The following MALRD1 variants were observed in gnomAD, a reference collection of about 807,000 sequenced individuals.
The protein encoded by MALRD1 is MAM and LDL-receptor class A domain-containing protein 1.
MALRD1 carries 247 observed loss-of-function variants against 242.1 expected under a neutral mutation model. The observed-to-expected ratio is 1.02, with a 90% CI of 0.92 to 1.13. The LOEUF is 1.13. Ranked by LOEUF, MALRD1 falls within the 50% of genes most tolerant of loss-of-function variation. MALRD1 has a pLI of 0.00. For synonymous variants in MALRD1, 995 were observed against 866.6 expected, an observed-to-expected ratio of 1.15 and a Z score of -2.60; for missense variants, 2,989 against 2,533.1, an observed-to-expected ratio of 1.18 and a Z score of -3.86.
At chr10:19,231,180 C>T (rs924675569) in intron 18 of MALRD1, among the ~76,000 whole-genome samples, 6 of 152,160 alleles carry the variant, frequency 3.9e-5, no homozygotes, top group Non-Finnish European at 7.3e-5. Context: ...ACTCCATACT[C>T]CTGCCTCAAT....
intron 28 of MALRD1, 97 bp from the exon 29 acceptor site, chr10:19,450,210 C>T (rs1835242342): frequency 9.5e-7 from 1 of 1,048,402 alleles, no homozygotes; most frequent in Non-Finnish European, 1.3e-6. Flanking sequence ...TTTTATTGGT[C>T]AAATGCTTCT....
At position 19,531,315 on chromosome 10, in the gene MALRD1, C is replaced by T. The variant is rs185708581; in HGVS notation, c.5442C>T (p.Phe1814=). Residue 1814 remains phenylalanine (F), a synonymous_variant, in exon 32 of 40, where the codon TTC becomes TTT. Coordinates refer to ENST00000454679, the MANE Select transcript of MALRD1 (RefSeq NM_001142308.3). ...SLGMCTVRFW[F]YMIDPRSMGI... ...GAATGTGTACTGTTCGGTTCTGGTT[C>T]TACATGATTGATCCCAGGAGTATGG... The T allele has an allele frequency of 2.8e-4, 440 of 1,549,052 alleles. 4 individuals are homozygous for T. Among genetic ancestry groups the T allele is most frequent in the Non-Finnish European group, 5.1e-5 (58 of 1,145,862 alleles).
intron 26 of MALRD1, among the ~76,000 whole-genome samples, chr10:19,354,515 A>G (rs932215644): frequency 1.3e-5 from 2 of 151,958 alleles, no homozygotes; most frequent in African/African-American, 2.4e-5. Flanking sequence ...ACCTCTCTTT[A>G]TCTCCCCATC....
At chr10:19,105,214 T>C (rs1002434476) in intron 5 of MALRD1, among the ~76,000 whole-genome samples, 1 of 152,060 alleles carries the variant, frequency 6.6e-6, no homozygotes, top group Non-Finnish European at 1.5e-5. Flanking sequence ...TACACTGTAC[T>C]TCTATAAGAT....
At chr10:19,733,201 G>T (rs1189916221) in intron 39 of MALRD1, among the ~76,000 whole-genome samples, 1 of 152,116 alleles carries the variant, frequency 6.6e-6, no homozygotes, top group African/African-American at 2.4e-5. Flanking sequence ...GGCAATTCAT[G>T]CCAATATTCA....
chr10:19,107,228 TA>T (rs1410145084), intron 5 of MALRD1, among the ~76,000 whole-genome samples: 3 of 152,024 alleles, frequency 2.0e-5, no homozygotes, highest in Non-Finnish European at 4.4e-5. Context: ...AGTAGGGAGT[TA>T]AAATCCCTTG....
intron 18 of MALRD1, among the ~76,000 whole-genome samples, chr10:19,253,918 G>C (rs1272458403): frequency 6.6e-6 from 1 of 151,878 alleles, no homozygotes; most frequent in African/African-American, 2.4e-5. Flanking sequence ...GATATATGGG[G>C]GTGGTTTCCC....
intron 29 of MALRD1, among the ~76,000 whole-genome samples, chr10:19,457,203 T>C (rs1429298953): frequency 2.0e-5 from 3 of 152,108 alleles, no homozygotes; most frequent in Non-Finnish European, 4.4e-5. Context: ...GAAACAGCCA[T>C]ATGTAGCCAT....
chr10:19,309,376 T>A (rs1250006623), intron 21 of MALRD1, among the ~76,000 whole-genome samples: 1 of 151,524 alleles, frequency 6.6e-6, no homozygotes, highest in East Asian at 1.9e-4. Flanking sequence ...GAGGGAATTT[T>A]TACCAAAATA....
rs531907488 is a variant in MALRD1, at chr10:19,709,040, T to C, written c.6314+16486T>C. 2.5e-5 allele frequency among the ~76,000 whole-genome samples: 3 copies of C among 118,180 alleles called. 1 individual carries two copies. The highest frequency in any genetic ancestry group is 3.9e-5 in the Non-Finnish European group (2 of 51,840). The allele number at this position is 118,180 out of a possible 152,430, so 77.5% of individuals were successfully genotyped here. On this transcript the variant is annotated intron_variant, in intron 38 of 39. Coordinates refer to ENST00000454679, the MANE Select transcript of MALRD1 (RefSeq NM_001142308.3). ...CTTTTTTTTTTTTCATTTTTTGAAATTGTCTTTTTACTTTGCTCTTTCCTA... is the reference window on the plus strand; with the variant it reads ...CTTTTTTTTTTTTCATTTTTTGAAACTGTCTTTTTACTTTGCTCTTTCCTA...
intron 28 of MALRD1, among the ~76,000 whole-genome samples, chr10:19,411,043 A>T (rs2130884275): frequency 6.6e-6 from 1 of 152,290 alleles, no homozygotes; most frequent in South Asian, 2.1e-4. Flanking sequence ...GGATTATTAT[A>T]ATATGAAATC....
At chr10:19,660,742 C>A (rs2131731929) in intron 36 of MALRD1, among the ~76,000 whole-genome samples, 1 of 152,292 alleles carries the variant, frequency 6.6e-6, no homozygotes, top group Non-Finnish European at 1.5e-5. Flanking sequence ...GCAGGCTTTT[C>A]CACTTCCTTA....
intron 32 of MALRD1, among the ~76,000 whole-genome samples, chr10:19,539,903 CGCGCGT>C (rs373017540): frequency 0.012 from 603 of 49,438 alleles, 17 homozygotes; most frequent in African/African-American, 0.04. Context: ...TGTGTGCGCG[CGCGCGT>C]GCGCGCACAC....
rs1260128077 is a variant in MALRD1 at position 19,238,398 on chromosome 10, TATATTATGTATAATATATAA to T, written c.2992-19285_2992-19266del. 3.1e-3 allele frequency among the ~76,000 whole-genome samples: 265 copies of T among 85,368 alleles called. 26 individuals carry two copies. Among genetic ancestry groups the T allele is most frequent in the African/African-American group, 0.012 (253 of 21,988 alleles). The allele number at this position is 85,368 out of a possible 152,430, so 56.0% of individuals were successfully genotyped here. A position where few individuals can be genotyped will look rare whatever the true frequency, so the allele number is the denominator to read the frequency against. On this transcript the variant is annotated intron_variant, in intron 18 of 39. Coordinates refer to ENST00000454679, the MANE Select transcript of MALRD1 (RefSeq NM_001142308.3). ...TATACATAATATATTATATATGTTA[TATATTATGTATAATATATAA>T]TATACATTATATATAATATATAATA... is the stretch of plus-strand genomic sequence containing the variant.
At chr10:19,612,340 C>A (rs1056658830) in intron 35 of MALRD1, among the ~76,000 whole-genome samples, 2 of 151,888 alleles carry the variant, frequency 1.3e-5, no homozygotes, top group African/African-American at 4.8e-5. Context: ...TCTTTGGCAC[C>A]TTACTCCCCT....
chr10:19,400,786 C>A (rs1397484076), intron 28 of MALRD1, among the ~76,000 whole-genome samples: 3 of 152,118 alleles, frequency 2.0e-5, no homozygotes, highest in African/African-American at 7.2e-5. Context: ...GAGGCCAAGG[C>A]AGGCAGATCA....
At chr10:19,455,998 G>A (rs931618387) in intron 29 of MALRD1, among the ~76,000 whole-genome samples, 4 of 152,070 alleles carry the variant, frequency 2.6e-5, no homozygotes, top group Non-Finnish European at 4.4e-5. Flanking sequence ...GGTAAACCCA[G>A]GACCTCAGGG....
chr10:19,443,275 T>C (rs1834772976), intron 28 of MALRD1, among the ~76,000 whole-genome samples: 1 of 152,254 alleles, frequency 6.6e-6, no homozygotes, highest in African/African-American at 2.4e-5. Context: ...AATCAGCTCC[T>C]GGATTCATTG....
chr10:19,633,535 C>G (rs917230059), intron 36 of MALRD1: 1 of 152,148 alleles, frequency 6.6e-6, no homozygotes, highest in Non-Finnish European at 1.5e-5. Flanking sequence ...ACAAATCCTA[C>G]AGACAGAATA....
Sources: gnomAD v4.1 joint callset for allele counts (sites outside exome capture counted in the v4.1 genomes callset) on GRCh38, gnomAD v4.1.1 for gene constraint, MANE v1.5 for transcripts, NCBI Gene and HGNC (gene_info 2026-07-23, HGNC 2026-07-21) for gene names.